The following PEBP4 variants were observed in gnomAD, a reference collection of about 807,000 sequenced individuals.
The protein encoded by PEBP4 is phosphatidylethanolamine binding protein 4, also known as phosphatidylethanolamine-binding protein 4.
PEBP4 carries 22 observed loss-of-function variants against 23.9 expected under a neutral mutation model. The ratio of observed to expected loss-of-function variants is 0.92; its 90% CI spans 0.66 to 1.31. The LOEUF is 1.31. Ranked by LOEUF, PEBP4 falls within the 40% of genes most tolerant of loss-of-function variation. PEBP4 has a pLI of 0.00. For synonymous variants in PEBP4, 112 were observed against 99.3 expected, an observed-to-expected ratio of 1.13 and a Z score of -0.76; for missense variants, 324 against 281.7, an observed-to-expected ratio of 1.15 and a Z score of -1.07.
chr8:22,869,401 C>T (rs912945625), intron 3 of PEBP4, among the ~76,000 whole-genome samples: 2 of 152,228 alleles, frequency 1.3e-5, no homozygotes, highest in Admixed American at 6.5e-5. Context: ...GGCTTTGTCT[C>T]GTTCCTTCAC....
At chr8:22,844,684 G>C (rs950444534) in intron 3 of PEBP4, among the ~76,000 whole-genome samples, 2 of 152,162 alleles carry the variant, frequency 1.3e-5, no homozygotes, top group Admixed American at 1.3e-4. Context: ...ATTCCTCCAG[G>C]AGTTCAGGGA....
At chr8:22,744,947 C>A (rs1805081585) in intron 4 of PEBP4, among the ~76,000 whole-genome samples, 1 of 152,144 alleles carries the variant, frequency 6.6e-6, no homozygotes, top group Admixed American at 6.5e-5. Flanking sequence ...GATGGGAGTT[C>A]CAATCGGCAG....
chr8:22,834,594 A>C (rs1225093776), intron 3 of PEBP4, among the ~76,000 whole-genome samples: 1 of 152,220 alleles, frequency 6.6e-6, no homozygotes, highest in African/African-American at 2.4e-5. Context: ...TGGGAAGCTA[A>C]AACACTGGAT....
rs1292092020 is a variant in PEBP4, at chr8:22,775,773, CGA to C, written c.357+41862_357+41863del. On this transcript the variant is annotated intron_variant, in intron 4 of 6. Transcript: ENST00000256404. This position sits in a 1 kb window ranked among gnomAD's most constrained non-coding sequence, Gnocchi z 4.8. The stretch of plus-strand genomic sequence containing the variant: ...GGCTCGAGGAGACAGACAGAGGAAG[CGA>C]GAGAGAGGTTGGGGAGGCGGGTTCT... Among the ~76,000 whole-genome samples the C allele has an allele frequency of 3.3e-5, 5 of 151,986 alleles. No homozygotes were observed.
intron 3 of PEBP4, among the ~76,000 whole-genome samples, chr8:22,882,000 G>A (rs1808268179): frequency 6.6e-6 from 1 of 152,160 alleles, no homozygotes; most frequent in Non-Finnish European, 1.5e-5. Context: ...CTGGCTCAAT[G>A]GGGCAGATGA....
upstream of PEBP4, among the ~76,000 whole-genome samples, chr8:22,931,583 GTTTGTT>G (rs3034135): frequency 0.26 from 37,758 of 145,034 alleles, 5,169 homozygotes; most frequent in East Asian, 0.44. Context: ...AGTTTTTTTT[GTTTGTT>G]TTTGTTTTTG....
chr8:22,715,967 C>A (rs189514619), intron 6 of PEBP4, among the ~76,000 whole-genome samples: 211 of 152,242 alleles, frequency 1.4e-3, no homozygotes, highest in Middle Eastern at 3.4e-3. Context: ...GCAGAGAGTC[C>A]GCGGCCAGGC....
At chr8:22,829,187 C>A (rs1240656171) in intron 3 of PEBP4, among the ~76,000 whole-genome samples, 1 of 152,182 alleles carries the variant, frequency 6.6e-6, no homozygotes, top group African/African-American at 2.4e-5. Context: ...AACCCCAAAG[C>A]TGGGTAAACC....
intron 6 of PEBP4, among the ~76,000 whole-genome samples, chr8:22,718,190 C>A (rs766328579): frequency 2.0e-5 from 3 of 152,014 alleles, no homozygotes; most frequent in African/African-American, 7.3e-5. Context: ...GGGTGACCTG[C>A]GTCTCCTCTG....
At chr8:22,917,911 C>CA (rs1172971377) in intron 3 of PEBP4, among the ~76,000 whole-genome samples, 1 of 152,172 alleles carries the variant, frequency 6.6e-6, no homozygotes, top group Non-Finnish European at 1.5e-5. Context: ...ACTCTATTTA[C>CA]AAATGAAAAC....
chr8:22,734,098 A>T (rs2128749687), intron 4 of PEBP4, among the ~76,000 whole-genome samples: 1 of 152,382 alleles, frequency 6.6e-6, no homozygotes, highest in Middle Eastern at 3.4e-3. Flanking sequence ...CAAAGGATCC[A>T]GGAAAAGGCA....
At chr8:22,752,436 C>T (rs187692279) in intron 4 of PEBP4, among the ~76,000 whole-genome samples, 1 of 152,340 alleles carries the variant, frequency 6.6e-6, no homozygotes, top group East Asian at 1.9e-4. Flanking sequence ...TGTGGAAGCT[C>T]ACTTTAAGGG....
intron 6 of PEBP4, 94 bp downstream of exon 6, chr8:22,724,749 G>A: frequency 1.1e-6 from 1 of 913,460 alleles, no homozygotes; most frequent in Non-Finnish European, 1.7e-6. Flanking sequence ...TCATGAGTGG[G>A]GGTCAAGGCC....
intron 1 of PEBP4, among the ~76,000 whole-genome samples, chr8:22,940,702 G>A (rs906818720): frequency 6.6e-6 from 1 of 152,032 alleles, no homozygotes; most frequent in African/African-American, 2.4e-5. Context: ...TGTTAGCCAG[G>A]ATGGTCTTGA....
intron 6 of PEBP4, among the ~76,000 whole-genome samples, chr8:22,718,423 G>A (rs1225570637): frequency 6.6e-6 from 1 of 152,226 alleles, no homozygotes; most frequent in Non-Finnish European, 1.5e-5. Flanking sequence ...GGGCTTATCT[G>A]TGTGGTTTCT....
At chr8:22,881,129 G>A (rs186950971) in intron 3 of PEBP4, among the ~76,000 whole-genome samples, 13 of 152,282 alleles carry the variant, frequency 8.5e-5, no homozygotes, top group South Asian at 2.1e-4. Context: ...CCCTCTTGGC[G>A]TCCAAAAGTG....
At chr8:22,876,892 G>A (rs1808133124) in intron 3 of PEBP4, among the ~76,000 whole-genome samples, 1 of 152,142 alleles carries the variant, frequency 6.6e-6, no homozygotes, top group African/African-American at 2.4e-5. Flanking sequence ...GTGTGAGGCT[G>A]GACTAGTTAT....
chr8:22,758,917 C>T lies in PEBP4; in HGVS notation c.358-31697G>A, dbSNP rs115653735. ...TCATGACAGAAAGAGGAGTGAAGTC[C>T]GGGGCTTATGTCAGGAGCTGGTCAG... is the stretch of plus-strand genomic sequence containing the variant. On this transcript the variant is annotated intron_variant, in intron 4 of 6. Transcript: ENST00000256404. Among the ~76,000 whole-genome samples the T allele has an allele frequency of 4.4e-3, 653 of 148,170 alleles. 7 individuals carry two copies. The highest frequency in any genetic ancestry group is 0.015 in the African/African-American group (597 of 40,630).
chr8:22,839,631 T>A (rs1807281930), intron 3 of PEBP4, among the ~76,000 whole-genome samples: 1 of 152,220 alleles, frequency 6.6e-6, no homozygotes, highest in Admixed American at 6.5e-5. Flanking sequence ...TAGCTACTGG[T>A]GGCACAAAAC....
Sources: allele counts gnomAD v4.1 joint callset (sites outside exome capture counted in the v4.1 genomes callset), GRCh38; gene constraint gnomAD v4.1.1; non-coding constraint Gnocchi (gnomAD v3.1); transcripts MANE v1.5; gene names NCBI Gene and HGNC (gene_info 2026-07-23, HGNC 2026-07-21).